Variants in DCLK2 observed in about 807,000 individuals in gnomAD.
DCLK2 encodes the protein serine/threonine-protein kinase DCLK2.
A neutral mutation model predicts 78.4 loss-of-function variants in DCLK2; 31 were observed. The observed-to-expected ratio is 0.40, with a 90% CI of 0.30 to 0.53. DCLK2 has a LOEUF of 0.53. Among genes scored for constraint, DCLK2 ranks in the 20% least tolerant of loss-of-function variants. DCLK2 has a pLI of 0.61. For synonymous variants in DCLK2, 407 were observed against 374.9 expected, an observed-to-expected ratio of 1.09 and a Z score of -0.99; for missense variants, 872 against 973.7, an observed-to-expected ratio of 0.90 and a Z score of 1.39.
chr4:150,221,594 G>A lies in DCLK2; in HGVS notation c.1133-83G>A, dbSNP rs550153471. The A allele has an allele frequency of 1.7e-4, 135 of 789,918 alleles. No individual in the cohort carries two copies. In the South Asian group the frequency reaches 2.5e-3, roughly 15 times the overall value. 48.9% of individuals were successfully genotyped at this position (789,918 alleles called of 1,614,324 possible). ...CCATAGATTTAGAAATAAATGCATC[G>A]CAGTTTACTATTTTACAAATATGTA... is the stretch of plus-strand genomic sequence containing the variant. On this transcript the variant is annotated intron_variant, in intron 6 of 15. Transcript: ENST00000296550.
At chr4:150,150,061 A>AT (rs1236269895) in intron 2 of DCLK2, among the ~76,000 whole-genome samples, 1 of 152,140 alleles carries the variant, frequency 6.6e-6, no homozygotes, top group East Asian at 1.9e-4. Flanking sequence ...AATGGAGGTT[A>AT]TTTTCCCCCC....
chr4:150,244,086 AC>A (rs746195050), intron 12 of DCLK2, among the ~76,000 whole-genome samples: 1 of 151,844 alleles, frequency 6.6e-6, no homozygotes, highest in Non-Finnish European at 1.5e-5. Flanking sequence ...TGTGTGCACC[AC>A]TATATTGCAC....
intron 12 of DCLK2, among the ~76,000 whole-genome samples, chr4:150,244,448 A>G (rs1743153671): frequency 6.6e-6 from 1 of 152,240 alleles, no homozygotes; most frequent in African/African-American, 2.4e-5. Context: ...TCATTTGGGA[A>G]ATAGCTTACA....
intron 1 of DCLK2, among the ~76,000 whole-genome samples, chr4:150,101,237 A>G (rs10028697): frequency 0.041 from 6,180 of 152,254 alleles, 429 homozygotes; most frequent in African/African-American, 0.14. Context: ...CCTGGGCAAC[A>G]GAGACCCTGT....
intron 15 of DCLK2, among the ~76,000 whole-genome samples, chr4:150,252,318 A>G (rs1002019339): frequency 2.0e-5 from 3 of 152,262 alleles, no homozygotes; most frequent in African/African-American, 4.8e-5. Context: ...GTGTCATGAA[A>G]AAACCTTAAG....
At chr4:150,253,893 T>C in intron 15 of DCLK2, 1 of 985,458 alleles carries the variant, frequency 1.0e-6, no homozygotes, top group Non-Finnish European at 1.2e-6. Context: ...TGAAGGCTTT[T>C]GTTCTTTCTC....
intron 12 of DCLK2, among the ~76,000 whole-genome samples, chr4:150,241,723 C>G (rs528316138): frequency 6.6e-6 from 1 of 152,166 alleles, no homozygotes; most frequent in Non-Finnish European, 1.5e-5. Flanking sequence ...GATCAAGGTA[C>G]TGCAGATTTG....
At chr4:150,223,429 A>G (rs980512675) in intron 7 of DCLK2, among the ~76,000 whole-genome samples, 18 of 152,338 alleles carry the variant, frequency 1.2e-4, no homozygotes, top group Middle Eastern at 3.4e-3. Context: ...GTTAAAATTA[A>G]ATTATTTTAA....
At chr4:150,089,001 A>G (rs576900648) in intron 1 of DCLK2, among the ~76,000 whole-genome samples, 1 of 152,324 alleles carries the variant, frequency 6.6e-6, no homozygotes, top group East Asian at 1.9e-4. Flanking sequence ...TTTGTTGCTT[A>G]TTCTCCGTTC....
chr4:150,217,453 G>T (rs1740807686), intron 5 of DCLK2, among the ~76,000 whole-genome samples: 1 of 152,184 alleles, frequency 6.6e-6, no homozygotes, highest in African/African-American at 2.4e-5. Flanking sequence ...TCAAACACAA[G>T]CTCAGATTTG....
intron 8 of DCLK2, among the ~76,000 whole-genome samples, chr4:150,229,825 A>G (rs1046917173): frequency 6.6e-6 from 1 of 152,224 alleles, no homozygotes; most frequent in Non-Finnish European, 1.5e-5. Flanking sequence ...ATGGTAGATA[A>G]TTGAATAATG....
At chr4:150,125,360 TC>T (rs139704939) in intron 2 of DCLK2, among the ~76,000 whole-genome samples, 4,321 of 152,286 alleles carry the variant, frequency 0.028, 157 homozygotes, top group African/African-American at 0.094. Flanking sequence ...AATTATTTAT[TC>T]AATAGACTTG....
chr4:150,231,222 C>T (rs1013765853), intron 8 of DCLK2, among the ~76,000 whole-genome samples: 1 of 152,184 alleles, frequency 6.6e-6, no homozygotes, highest in African/African-American at 2.4e-5. Flanking sequence ...ACACAAGTAC[C>T]TTACACAGCT....
chr4:150,149,017 G>A (rs181183555), intron 2 of DCLK2, among the ~76,000 whole-genome samples: 2,023 of 134,674 alleles, frequency 0.015, 16 homozygotes, highest in Middle Eastern at 0.041. Context: ...CAGCCTGGGC[G>A]AAAGAGTGAC....
At chr4:150,141,360 G>A (rs934537574) in intron 2 of DCLK2, among the ~76,000 whole-genome samples, 11 of 152,142 alleles carry the variant, frequency 7.2e-5, no homozygotes, top group Admixed American at 1.3e-4. Flanking sequence ...CAGTGATTGC[G>A]ATGACAGGGT....
intron 1 of DCLK2, among the ~76,000 whole-genome samples, chr4:150,080,586 A>G (rs1001900359): frequency 6.6e-6 from 1 of 152,212 alleles, no homozygotes; most frequent in African/African-American, 2.4e-5. Flanking sequence ...GAAGCTGAAC[A>G]TCAAGCCAGA....
chr4:150,174,491 G>A (rs536124137), intron 2 of DCLK2, among the ~76,000 whole-genome samples: 4 of 152,214 alleles, frequency 2.6e-5, no homozygotes, highest in East Asian at 1.9e-4. Flanking sequence ...TCATGCAACC[G>A]TGAGCTACTT....
Position 150,256,123 on chromosome 4 carries a change from A to G in DCLK2, c.2177A>G (p.Glu726Gly). The G allele has an allele frequency of 6.2e-7, 1 of 1,611,526 alleles. No homozygotes were observed. The highest frequency in any genetic ancestry group is 8.5e-7 in the Non-Finnish European group (1 of 1,179,602). ...EPISPVPPSV[E>G]EIPVPGEAVP... ...ATCTCTCCAGTTCCTCCCTCAGTGG[A>G]GGAGATCCCTGTGCCTGGGGAAGCA... Residue 726 changes from glutamate (E) to glycine (G), a missense_variant, in exon 16 of 16, where the codon GAG becomes GGG. Transcript: ENST00000296550.
chr4:150,247,642 G>A lies in DCLK2; in HGVS notation c.1818G>A (p.Leu606=). The A allele has an allele frequency of 3.7e-6, 6 of 1,614,060 alleles. No individual in the cohort carries two copies. The highest frequency in any genetic ancestry group is 5.1e-6 in the Non-Finnish European group (6 of 1,180,008). ...AGGAAGATCTCTTCGACCAGATCTT[G>A]GCTGGGAAGCTGGAGTTTCCGGCCC... The part of the protein sequence containing the change: ...NLQEDLFDQI[L]AGKLEFPAPY... Residue 606 remains leucine, a synonymous_variant, in exon 13 of 16, where the codon TTG becomes TTA. Transcript: ENST00000296550.
Sources: gnomAD v4.1 joint callset for allele counts (sites outside exome capture counted in the v4.1 genomes callset) on GRCh38, gnomAD v4.1.1 for gene constraint, MANE v1.5 for transcripts, NCBI Gene and HGNC (gene_info 2026-07-23, HGNC 2026-07-21) for gene names.